ATN1: variants seen among roughly 807,000 people sequenced by gnomAD.
ATN1 encodes the protein atrophin-1.
A neutral mutation model predicts 85.8 loss-of-function variants in ATN1; 19 were observed. The observed-to-expected ratio is 0.22, with a 90% CI of 0.15 to 0.32. The LOEUF is 0.32. ATN1 is among the 10% of genes least tolerant of loss of function. The pLI is 1.00. For synonymous variants in ATN1, 674 were observed against 657.0 expected (o/e 1.03, Z -0.39); for missense variants, 1,453 against 1,564.5 (o/e 0.93, Z 1.20).
Position 6,936,298 on chromosome 12 carries a change from C to G in ATN1, c.1031C>G (p.Pro344Arg). 6.2e-7 allele frequency: 1 copy of G among 1,613,908 alleles called. No individual in the cohort carries two copies. The highest frequency in any genetic ancestry group is 8.5e-7 in the Non-Finnish European group (1 of 1,179,882). The change falls in exon 5 of 10, where the codon CCT (proline) becomes CGT (arginine). Residue 344 changes from proline (P) to arginine (R), a missense_variant. By Grantham distance (103) the Pro-to-Arg change is moderately radical. This residue lies in a region of ATN1 where 990 missense variants were observed against 914.8 expected (regional missense o/e 1.08). Transcript: ENST00000396684. The part of the protein sequence containing the change: ...AMGQGMGGLP[P>R]GPEKGPTLAP... The stretch of plus-strand genomic sequence containing the variant: ...GGACAGGGTATGGGTGGACTTCCTC[C>G]TGGCCCAGAGAAGGGCCCAACTCTG...
Position 6,937,188 on chromosome 12 carries a change from A to G in ATN1, c.1921A>G (p.Lys641Glu), listed in dbSNP as rs1555143910. 3 of 1,611,326 alleles carry G rather than the reference A, an allele frequency of 1.9e-6. No homozygotes were observed. Among genetic ancestry groups the G allele is most frequent in the Non-Finnish European group, 1.7e-6 (2 of 1,179,580 alleles). The change falls in exon 5 of 10, where the codon AAG becomes GAG. Residue 641 changes from lysine to glutamate, a missense_variant. Lys to Glu is a moderately conservative substitution (Grantham distance 56). This residue lies in a region of ATN1 where 990 missense variants were observed against 914.8 expected (regional missense o/e 1.08). Transcript: ENST00000396684. This position sits in a 1 kb window ranked among gnomAD's most constrained non-coding sequence, Gnocchi z 6.0. ...CCCACCTGGGCCCCCACCGTACGGAAAGAGAGCCCCGTCCCCGGGGGCCTA... is the reference window on the plus strand; with the variant it reads ...CCCACCTGGGCCCCCACCGTACGGAGAGAGAGCCCCGTCCCCGGGGGCCTA... ...ASPPGPPPYG[K>E]RAPSPGAYKT... is the part of the protein sequence containing the mutation.
rs1555143809 is a variant in ATN1 at position 6,936,792 on chromosome 12, C to G, written c.1525C>G (p.Pro509Ala). Residue 509 changes from proline to alanine, a missense_variant, in exon 5 of 10, where the codon CCC becomes GCC. Coordinates refer to ENST00000396684, the MANE Select transcript of ATN1 (RefSeq NM_001940.4). ...GCAGCAGCATCACGGAAACTCTGGG[C>G]CCCCTCCTCCTGGAGCATTTCCCCA... ...QQQQHHGNSGPPPPGAFPHPL... is the reference protein window; with the variant it reads ...QQQQHHGNSGAPPPGAFPHPL... 15 of 1,612,972 alleles carry G rather than the reference C, an allele frequency of 9.3e-6. No individual in the cohort carries two copies. The highest frequency in any genetic ancestry group is 1.3e-5 in the Non-Finnish European group (15 of 1,179,556).
chr12:6,927,663 C>G (rs970468346), upstream of ATN1, among the ~76,000 whole-genome samples: 3 of 151,824 alleles, frequency 2.0e-5, no homozygotes, highest in Admixed American at 6.6e-5. Flanking sequence ...CCTCTCTCCC[C>G]CCTCGCGGCT....
chr12:6,937,086 G>A lies in ATN1; in HGVS notation c.1819G>A (p.Val607Ile), dbSNP rs782659387. ...CTACCCTTTCCCACCGGTGCCTACG[G>A]TCACCACCTCTTCGGCTACCCTTTC... ...APYPFPPVPT[V>I]TTSSATLSTV... The change falls in exon 5 of 10, where the codon GTC becomes ATC. Residue 607 changes from valine to isoleucine, a missense_variant. Physicochemically the swap from Val to Ile is conservative, Grantham distance 29. Coordinates refer to ENST00000396684, the MANE Select transcript of ATN1 (RefSeq NM_001940.4). This position sits in a 1 kb window ranked among gnomAD's most constrained non-coding sequence, Gnocchi z 6.0. 3.1e-6 allele frequency: 5 copies of A among 1,612,772 alleles called. No homozygotes were observed. The African/African-American group carries it at 6.7e-5, about 22-fold the overall frequency.
Position 6,936,947 on chromosome 12 carries a change from A to T in ATN1, c.1680A>T (p.Gln560His). The T allele has an allele frequency of 6.2e-7, 1 of 1,613,894 alleles. No individual in the cohort carries two copies. The highest frequency in any genetic ancestry group is 2.2e-5 in the East Asian group (1 of 44,840). The change falls in exon 5 of 10, where the codon CAA becomes CAT. Residue 560 changes from glutamine (Q) to histidine (H), a missense_variant. This residue lies in a region of ATN1 where 990 missense variants were observed against 914.8 expected (regional missense o/e 1.08). Coordinates refer to ENST00000396684, the MANE Select transcript of ATN1 (RefSeq NM_001940.4). ...CTCACAGCCAGGTGTCCTACAGCCAAGCAGGCCCCAATGGCCCTCCAGTCT... is the reference window on the plus strand; with the variant it reads ...CTCACAGCCAGGTGTCCTACAGCCATGCAGGCCCCAATGGCCCTCCAGTCT... ...PPPHSQVSYS[Q>H]AGPNGPPVSS... is the part of the protein sequence containing the mutation.
Position 6,941,682 on chromosome 12 carries a change from A to G in ATN1, c.3540-65A>G. On this transcript the variant is annotated intron_variant, in intron 9 of 9. Coordinates refer to ENST00000396684, the MANE Select transcript of ATN1 (RefSeq NM_001940.4). The surrounding 1 kb of genome is among the most constrained non-coding windows in gnomAD (Gnocchi z 5.9). ...CTCCTCTCCCAACCCCTTCGGTAAG[A>G]GGGGGCAAGGTCAGAGTTGGTCTCA... 4 of 1,596,812 alleles carry G rather than the reference A, an allele frequency of 2.5e-6. No individual in the cohort carries two copies. The highest frequency in any genetic ancestry group is 1.7e-5 in the Admixed American group (1 of 59,938).
At chr12:6,931,573 G>A (rs1217287941) in intron 1 of ATN1, among the ~76,000 whole-genome samples, 4 of 151,674 alleles carry the variant, frequency 2.6e-5, no homozygotes, top group Non-Finnish European at 5.9e-5. Flanking sequence ...AATTAGCCAG[G>A]TGTGGTGGTG....
chr12:6,937,059 C>T lies in ATN1; in HGVS notation c.1792C>T (p.Pro598Ser), dbSNP rs367916612. 3 of 1,613,786 alleles carry T rather than the reference C, an allele frequency of 1.9e-6. No homozygotes were observed. The highest frequency in any genetic ancestry group is 2.5e-6 in the Non-Finnish European group (3 of 1,180,020). Residue 598 changes from proline to serine, a missense_variant, in exon 5 of 10, where the codon CCC becomes TCC. Transcript: ENST00000396684. The surrounding 1 kb of genome is among the most constrained non-coding windows in gnomAD (Gnocchi z 6.0). ...PSPSQGPQGA[P>S]YPFPPVPTVT... ...CCCTTCCCAGGGCCCTCAAGGGGCG[C>T]CCTACCCTTTCCCACCGGTGCCTAC... is the stretch of plus-strand genomic sequence containing the variant.
In ATN1 at chr12:6,941,868, C is replaced by T; in HGVS notation, c.*88C>T. ...CCCACCGTGCCCTTGGCCTGCCACC[C>T]AGAGCCAAGAGGGTGCTGCTCAGTT... On this transcript the variant is annotated 3_prime_UTR_variant, in exon 10 of 10. Coordinates refer to ENST00000396684, the MANE Select transcript of ATN1 (RefSeq NM_001940.4). The surrounding 1 kb of genome is among the most constrained non-coding windows in gnomAD (Gnocchi z 5.9). 1.5e-6 allele frequency: 2 copies of T among 1,368,994 alleles called. No individual in the cohort carries two copies. Among genetic ancestry groups the T allele is most frequent in the Non-Finnish European group, 1.0e-6 (1 of 959,726 alleles). 84.8% of individuals were successfully genotyped at this position (1,368,994 alleles called of 1,614,324 possible).
At chr12:6,932,181 C>CCTTA (rs2138205930) in intron 1 of ATN1, among the ~76,000 whole-genome samples, 1 of 152,210 alleles carries the variant, frequency 6.6e-6, no homozygotes, top group East Asian at 1.9e-4. Context: ...CCCCTTACTG[C>CCTTA]CTGCATCAGT....
upstream of ATN1, among the ~76,000 whole-genome samples, chr12:6,925,548 T>G (rs1285241120): frequency 6.6e-6 from 1 of 152,100 alleles, no homozygotes; most frequent in Non-Finnish European, 1.5e-5. Flanking sequence ...TGGCCTGGTC[T>G]CAGGGAGGCC....
chr12:6,925,121 T>TGTGTGCGTGTGC (rs1555142460), upstream of ATN1, among the ~76,000 whole-genome samples: 1 of 145,120 alleles, frequency 6.9e-6, no homozygotes, highest in Non-Finnish European at 1.5e-5. Flanking sequence ...CGTGTGCGTG[T>TGTGTGCGTGTGC]GTGTGTGTGT....
At position 6,934,361 on chromosome 12, in the gene ATN1, T is replaced by G. The variant is rs1555143331; in HGVS notation, c.165+48T>G. ...CACAGGATGCCCAAGGCACTGGGGC[T>G]GAGGGTGTGTGTGTGTTGTGGGGGA... On this transcript the variant is annotated intron_variant, in intron 3 of 9. Coordinates refer to ENST00000396684, the MANE Select transcript of ATN1 (RefSeq NM_001940.4). This position sits in a 1 kb window ranked among gnomAD's most constrained non-coding sequence, Gnocchi z 4.5. 1.3e-6 allele frequency: 2 copies of G among 1,590,502 alleles called. No homozygotes were observed. The highest frequency in any genetic ancestry group is 3.5e-5 in the Admixed American group (2 of 56,930).
chr12:6,939,253 T>C, intron 7 of ATN1, 76 bp downstream of exon 7: 1 of 1,478,498 alleles, frequency 6.8e-7, no homozygotes, highest in South Asian at 1.3e-5. Flanking sequence ...TTCATTCCTA[T>C]GGCCAAGACT....
Position 6,938,822 on chromosome 12 carries a change from G to A in ATN1, c.2859G>A (p.Lys953=). 6.2e-7 allele frequency: 1 copy of A among 1,614,146 alleles called. No individual in the cohort carries two copies. Among genetic ancestry groups the A allele is most frequent in the Non-Finnish European group, 8.5e-7 (1 of 1,180,024 alleles). The change falls in exon 7 of 10, where the codon AAG becomes AAA. Residue 953 remains lysine (K), a synonymous_variant. Transcript: ENST00000396684. Reference sequence around the variant, plus strand: ...GCCTCAAGCCTGGCTTTGAGGTGAAGCCTAGTGAGCTGGAACCCCTACATG... The same window carrying A: ...GCCTCAAGCCTGGCTTTGAGGTGAAACCTAGTGAGCTGGAACCCCTACATG... ...RDRLKPGFEV[K]PSELEPLHGV...
At chr12:6,933,053 C>T (rs902010935) in intron 1 of ATN1, among the ~76,000 whole-genome samples, 1 of 152,096 alleles carries the variant, frequency 6.6e-6, no homozygotes, top group Admixed American at 6.5e-5. Context: ...TGAGGTTGGG[C>T]TAGTCACAAT....
Position 6,937,600 on chromosome 12 carries a change from G to A in ATN1, c.2294+39G>A. ...TGGGGCGGAGGTGGGCCTGGAAAGG[G>A]GACGACGACAAGGCGGCGACGAGAG... is the stretch of plus-strand genomic sequence containing the variant. On this transcript the variant is annotated intron_variant, in intron 5 of 9. Coordinates refer to ENST00000396684, the MANE Select transcript of ATN1 (RefSeq NM_001940.4). This position sits in a 1 kb window ranked among gnomAD's most constrained non-coding sequence, Gnocchi z 6.0. 1 of 1,461,218 alleles carries A rather than the reference G, an allele frequency of 6.8e-7. No homozygotes were observed. Among genetic ancestry groups the A allele is most frequent in the East Asian group, 2.5e-5 (1 of 40,364 alleles). The allele number at this position is 1,461,218 out of a possible 1,614,324, so 90.5% of individuals were successfully genotyped here.
chr12:6,942,042 C>A lies in ATN1; in HGVS notation c.*262C>A. 1 of 541,576 alleles carries A rather than the reference C, an allele frequency of 1.8e-6. No homozygotes were observed. Among genetic ancestry groups the A allele is most frequent in the Non-Finnish European group, 3.3e-6 (1 of 301,056 alleles). 33.5% of individuals were successfully genotyped at this position (541,576 alleles called of 1,614,324 possible). ...GACCAGGTCTCTCTTCCTTGTCCCC[C>A]CTGCTTTTCTCCTCCCCCATGCCCA... On this transcript the variant is annotated 3_prime_UTR_variant, in exon 10 of 10. Transcript: ENST00000396684.
chr12:6,927,846 GC>G (rs1181898272), upstream of ATN1, among the ~76,000 whole-genome samples: 1 of 149,756 alleles, frequency 6.7e-6, no homozygotes, highest in East Asian at 2.0e-4. Context: ...CCCGTCCGCA[GC>G]CCCGCGCCGG....
Sources: allele counts gnomAD v4.1 joint callset (sites outside exome capture counted in the v4.1 genomes callset), GRCh38; gene constraint gnomAD v4.1.1; regional missense constraint gnomAD v4.1.1; non-coding constraint Gnocchi (gnomAD v3.1); transcripts MANE v1.5; gene names NCBI Gene and HGNC (gene_info 2026-07-23, HGNC 2026-07-21).